Variants in PKIB observed in about 807,000 individuals in gnomAD.
PKIB encodes the protein PKI-beta.
In PKIB, 2 loss-of-function variants were observed where a neutral mutation model predicts 4.5. The ratio of observed to expected loss-of-function variants is 0.44; its 90% CI spans 0.18 to 1.39. The LOEUF (loss-of-function observed/expected upper bound fraction) is 1.39, where lower values mean the gene tolerates loss of function less well. PKIB is among the 40% of genes most tolerant of loss of function. The pLI, the probability that PKIB is intolerant of heterozygous loss-of-function variation, is 0.27. For synonymous variants in PKIB, 38 were observed against 36.0 expected (o/e 1.06, Z -0.20); for missense variants, 94 against 92.6 (o/e 1.02, Z -0.06).
At chr6:122,569,942 TA>T (rs1313018113) in intron 2 of PKIB, among the ~76,000 whole-genome samples, 6 of 152,122 alleles carry the variant, frequency 3.9e-5, no homozygotes, top group Non-Finnish European at 7.4e-5. Context: ...CTCTGATCAT[TA>T]AGGGTCTTGG....
intron 1 of PKIB, among the ~76,000 whole-genome samples, chr6:122,626,809 G>T (rs1264738828): frequency 6.6e-6 from 1 of 152,054 alleles, no homozygotes; most frequent in Non-Finnish European, 1.5e-5. Flanking sequence ...ATGAACGAAT[G>T]AACACACAGA....
chr6:122,632,182 T>C (rs190966899), intron 1 of PKIB, among the ~76,000 whole-genome samples: 5 of 152,208 alleles, frequency 3.3e-5, no homozygotes, highest in Admixed American at 2.0e-4. Context: ...CTGGAATAGA[T>C]AGAATTTGAT....
intron 1 of PKIB, among the ~76,000 whole-genome samples, chr6:122,614,774 A>C (rs1346900804): frequency 1.3e-5 from 2 of 152,126 alleles, no homozygotes; most frequent in Admixed American, 6.5e-5. Context: ...TAAAATCATA[A>C]AATCTTAAAA....
At chr6:122,701,305 T>C (rs574608123) in intron 3 of PKIB, 5 of 666,154 alleles carry the variant, frequency 7.5e-6, no homozygotes, top group Admixed American at 2.7e-5. Context: ...ACAAGCAATG[T>C]CTGTATTGCT....
chr6:122,634,891 G>A (rs1280481298), intron 2 of PKIB, among the ~76,000 whole-genome samples: 3 of 150,244 alleles, frequency 2.0e-5, no homozygotes, highest in African/African-American at 7.4e-5. Flanking sequence ...GCAGTGAGCC[G>A]AGATCACACC....
intron 3 of PKIB, among the ~76,000 whole-genome samples, chr6:122,603,300 A>G (rs1774433721): frequency 6.6e-6 from 1 of 152,150 alleles, no homozygotes; most frequent in Non-Finnish European, 1.5e-5. Context: ...TAAAATGTAT[A>G]TTTTCCAATT....
intron 2 of PKIB, among the ~76,000 whole-genome samples, chr6:122,669,499 C>A (rs970300592): frequency 6.6e-6 from 1 of 151,998 alleles, no homozygotes; most frequent in Non-Finnish European, 1.5e-5. Flanking sequence ...CTGCTGCTCT[C>A]TTCTGCCTTT....
intron 2 of PKIB, among the ~76,000 whole-genome samples, chr6:122,505,455 G>A (rs761343821): frequency 3.3e-5 from 5 of 151,998 alleles, no homozygotes; most frequent in Non-Finnish European, 5.9e-5. Context: ...TGTGGTGTCT[G>A]GTCTCTCTCC....
chr6:122,711,185 G>A (rs528558128), intron 3 of PKIB, among the ~76,000 whole-genome samples: 2 of 152,042 alleles, frequency 1.3e-5, no homozygotes, highest in African/African-American at 4.8e-5. Flanking sequence ...CCCCACTCAA[G>A]CTAATGTATT....
chr6:122,698,129 G>C (rs1562307928), intron 3 of PKIB, among the ~76,000 whole-genome samples: 1 of 152,192 alleles, frequency 6.6e-6, no homozygotes, highest in Non-Finnish European at 1.5e-5. Context: ...GGAATTAAGA[G>C]CAACAACTCT....
At chr6:122,585,916 CTT>C (rs1773835575) in intron 2 of PKIB, 7 of 152,048 alleles carry the variant, frequency 4.6e-5, no homozygotes, top group Admixed American at 4.6e-4. Flanking sequence ...CTTTCTCTCT[CTT>C]AGGTTTTTCT....
intron 2 of PKIB, among the ~76,000 whole-genome samples, chr6:122,558,130 A>G (rs1772901139): frequency 6.6e-6 from 1 of 152,208 alleles, no homozygotes; most frequent in Admixed American, 6.5e-5. Context: ...CAAATTGCTG[A>G]GAAGTGCAGG....
intron 2 of PKIB, among the ~76,000 whole-genome samples, chr6:122,642,769 TCA>T (rs975598267): frequency 7.9e-5 from 12 of 152,200 alleles, no homozygotes; most frequent in Non-Finnish European, 1.8e-4. Context: ...GAAAATTGAC[TCA>T]CTAATTAAAA....
At chr6:122,619,154 TA>T (rs976517372) in intron 1 of PKIB, among the ~76,000 whole-genome samples, 66 of 91,336 alleles carry the variant, frequency 7.2e-4, no homozygotes, top group African/African-American at 2.0e-3. Flanking sequence ...TTACAAATTT[TA>T]AATGTTTTCT....
At chr6:122,617,604 C>T (rs1417639563) in intron 1 of PKIB, among the ~76,000 whole-genome samples, 1 of 152,086 alleles carries the variant, frequency 6.6e-6, no homozygotes, top group Non-Finnish European at 1.5e-5. Context: ...TTTAATTTAT[C>T]CCAACTTGAT....
chr6:122,673,485 CTTCTCAGTTCCTT>C (rs1214982381), intron 2 of PKIB, among the ~76,000 whole-genome samples: 2 of 152,194 alleles, frequency 1.3e-5, no homozygotes, highest in African/African-American at 4.8e-5. Context: ...CTCACTTCCT[CTTCTCAGTTCCTT>C]TTATTTGGTC....
At chr6:122,494,223 C>A (rs528972084) in intron 2 of PKIB, among the ~76,000 whole-genome samples, 1 of 152,264 alleles carries the variant, frequency 6.6e-6, no homozygotes, top group African/African-American at 2.4e-5. Flanking sequence ...CATTAAAAAA[C>A]TTTCATTTAA....
At chr6:122,691,385 G>T (rs11154108) in intron 3 of PKIB, among the ~76,000 whole-genome samples, 72,917 of 151,584 alleles carry the variant, frequency 0.48, 18,264 homozygotes, top group Non-Finnish European at 0.56. Flanking sequence ...TATTCTTTTT[G>T]CTTTTGTCTG....
intron 3 of PKIB, among the ~76,000 whole-genome samples, chr6:122,687,729 A>G (rs1778149955): frequency 6.6e-6 from 1 of 152,038 alleles, no homozygotes; most frequent in Non-Finnish European, 1.5e-5. Flanking sequence ...TGGTAAATGA[A>G]ATTACTTTTT....
Sources: gnomAD v4.1 joint callset for allele counts (sites outside exome capture counted in the v4.1 genomes callset) on GRCh38, gnomAD v4.1.1 for gene constraint, MANE v1.5 for transcripts, NCBI Gene and HGNC (gene_info 2026-07-23, HGNC 2026-07-21) for gene names.